The following RASSF8 variants were observed in gnomAD, a reference collection of about 807,000 sequenced individuals.
The protein encoded by RASSF8 is Ras association domain family member 8, also known as ras association domain-containing protein 8.
Under a neutral mutation model 48.5 loss-of-function variants are expected in RASSF8, and 22 were observed. That is an observed-to-expected ratio of 0.45 (90% confidence interval 0.32 to 0.65). The LOEUF (loss-of-function observed/expected upper bound fraction) is 0.65. RASSF8 is among the 30% of genes least tolerant of loss of function. RASSF8 has a pLI of 0.03. For synonymous variants in RASSF8, 127 were observed against 171.5 expected, an observed-to-expected ratio of 0.74 and a Z score of 2.03; for missense variants, 418 against 489.2, an observed-to-expected ratio of 0.85 and a Z score of 1.37.
chr12:25,991,624 G>A (rs1480342397), intron 1 of RASSF8, among the ~76,000 whole-genome samples: 1 of 152,172 alleles, frequency 6.6e-6, no homozygotes, highest in Non-Finnish European at 1.5e-5. Flanking sequence ...TGCGCTGGTT[G>A]TTGGCAGAAG....
At chr12:26,024,521 A>G (rs1942860362) in intron 2 of RASSF8, among the ~76,000 whole-genome samples, 1 of 152,236 alleles carries the variant, frequency 6.6e-6, no homozygotes, top group Admixed American at 6.5e-5. Flanking sequence ...CAAGAAAACT[A>G]CACAGCAATT....
chr12:26,024,825 C>T (rs531814362), intron 2 of RASSF8, among the ~76,000 whole-genome samples: 2 of 152,038 alleles, frequency 1.3e-5, no homozygotes, highest in South Asian at 4.2e-4. Context: ...GGCGTGGTGG[C>T]GGGCGCCTGT....
chr12:25,971,416 T>C (rs1181046300), intron 1 of RASSF8, among the ~76,000 whole-genome samples: 2 of 152,164 alleles, frequency 1.3e-5, no homozygotes, highest in Non-Finnish European at 2.9e-5. Context: ...TGAACTAACA[T>C]TGGGCCAAGT....
intron 2 of RASSF8, among the ~76,000 whole-genome samples, chr12:26,042,527 GATTAA>G (rs1234505265): frequency 6.6e-6 from 1 of 151,008 alleles, no homozygotes; most frequent in East Asian, 2.0e-4. Context: ...AGTCTATTTT[GATTAA>G]CTTGTTTTTA....
intron 1 of RASSF8, among the ~76,000 whole-genome samples, chr12:25,980,130 A>G (rs914275243): frequency 2.0e-5 from 3 of 152,166 alleles, no homozygotes; most frequent in Admixed American, 1.3e-4. Flanking sequence ...CATGGTTAAA[A>G]ACCAATTTAA....
intron 2 of RASSF8, among the ~76,000 whole-genome samples, chr12:26,010,174 A>G (rs1202634421): frequency 6.6e-6 from 1 of 150,658 alleles, no homozygotes; most frequent in East Asian, 2.0e-4. Flanking sequence ...CTTACTGTCC[A>G]ACATTTGTTC....
Position 26,072,068 on chromosome 12 carries a change from G to T in RASSF8, c.*3250G>T. The T allele has an allele frequency of 1.0e-6, 1 of 985,370 alleles. No individual in the cohort carries two copies. Among genetic ancestry groups the T allele is most frequent in the Non-Finnish European group, 1.2e-6 (1 of 829,876 alleles). 61.0% of individuals were successfully genotyped at this position (985,370 alleles called of 1,614,324 possible). ...AAAAGACAAAAACTTTTGATTTCAG[G>T]CATGCAAAGTGCTTGGGCAGATGGA... On this transcript the variant is annotated 3_prime_UTR_variant, in exon 6 of 6. Coordinates refer to ENST00000689635, the MANE Select transcript of RASSF8 (RefSeq NM_001394098.1).
chr12:25,975,464 A>G (rs1941583359), intron 1 of RASSF8, among the ~76,000 whole-genome samples: 1 of 152,232 alleles, frequency 6.6e-6, no homozygotes, highest in African/African-American at 2.4e-5. Context: ...ATTTTAGATT[A>G]GAGAATGTTG....
At chr12:26,045,161 T>A (rs2137180172) in intron 2 of RASSF8, among the ~76,000 whole-genome samples, 1 of 152,290 alleles carries the variant, frequency 6.6e-6, no homozygotes, top group East Asian at 1.9e-4. Flanking sequence ...AATGGACACT[T>A]TTTTTGTTCT....
intron 5 of RASSF8, among the ~76,000 whole-genome samples, chr12:26,078,373 C>T (rs1405000659): frequency 6.6e-6 from 1 of 152,138 alleles, no homozygotes; most frequent in Non-Finnish European, 1.5e-5. Context: ...TGTGGGCAGG[C>T]CATGCAGAAA....
intron 1 of RASSF8, among the ~76,000 whole-genome samples, chr12:25,967,324 G>A (rs1367246075): frequency 2.0e-5 from 3 of 152,010 alleles, no homozygotes; most frequent in Admixed American, 6.6e-5. Context: ...TAATAATAAA[G>A]TCTGGTGATG....
At chr12:26,073,751 A>T (rs1268800775), downstream of RASSF8, among the ~76,000 whole-genome samples, 4,818 of 92,778 alleles carry the variant, frequency 0.052, 127 homozygotes, top group African/African-American at 0.088. Context: ...CTCTCTATAC[A>T]CACACACACA....
downstream of RASSF8, among the ~76,000 whole-genome samples, chr12:26,073,746 T>TCTCTACACACACACAC (rs10678881): frequency 8.4e-4 from 39 of 46,404 alleles, 1 homozygote; most frequent in Middle Eastern, 7.9e-3. Flanking sequence ...TCTCTCTCTC[T>TCTCTACACACACACAC]ATACACACAC....
intron 1 of RASSF8, among the ~76,000 whole-genome samples, chr12:25,993,515 A>T (rs1308147830): frequency 6.6e-6 from 1 of 152,222 alleles, no homozygotes; most frequent in Non-Finnish European, 1.5e-5. Flanking sequence ...ACCAGGCTAG[A>T]CTTCAGACAG....
At chr12:26,017,944 C>G (rs780757083) in intron 2 of RASSF8, among the ~76,000 whole-genome samples, 19 of 152,248 alleles carry the variant, frequency 1.2e-4, no homozygotes, top group Non-Finnish European at 2.6e-4. Flanking sequence ...CCCGAAAAGT[C>G]TTTCATGGTG....
intron 2 of RASSF8, among the ~76,000 whole-genome samples, chr12:25,997,888 T>C (rs1330803055): frequency 6.6e-6 from 1 of 152,210 alleles, no homozygotes; most frequent in Non-Finnish European, 1.5e-5. Flanking sequence ...TTCAGTGCTT[T>C]GAAACTTCCC....
intron 2 of RASSF8, among the ~76,000 whole-genome samples, chr12:26,003,192 T>A (rs1175137864): frequency 6.6e-6 from 1 of 152,196 alleles, no homozygotes; most frequent in Admixed American, 6.5e-5. Context: ...AAATGCTGTT[T>A]CTGTGTCTAT....
chr12:25,990,597 G>A (rs1318946585), intron 1 of RASSF8, among the ~76,000 whole-genome samples: 1 of 152,074 alleles, frequency 6.6e-6, no homozygotes, highest in East Asian at 1.9e-4. Flanking sequence ...CATTTCATAT[G>A]GACTATGTAA....
chr12:25,993,681 T>C (rs549070135), intron 1 of RASSF8, among the ~76,000 whole-genome samples: 2 of 152,302 alleles, frequency 1.3e-5, no homozygotes, highest in South Asian at 4.1e-4. Flanking sequence ...TTTTGCCAAG[T>C]CCTGTCACCC....
Sources: allele counts gnomAD v4.1 joint callset (sites outside exome capture counted in the v4.1 genomes callset), GRCh38; gene constraint gnomAD v4.1.1; transcripts MANE v1.5; gene names NCBI Gene and HGNC (gene_info 2026-07-23, HGNC 2026-07-21).